Variants in ZNRF3 observed in about 807,000 individuals in gnomAD.
The protein encoded by ZNRF3 is zinc and ring finger 3, also known as E3 ubiquitin-protein ligase ZNRF3.
In ZNRF3, 23 loss-of-function variants were observed where a neutral mutation model predicts 72.5. The ratio of observed to expected loss-of-function variants is 0.32; its 90% CI spans 0.23 to 0.45. ZNRF3 has a LOEUF of 0.45. Among genes scored for constraint, ZNRF3 ranks in the 20% least tolerant of loss-of-function variants. ZNRF3 has a pLI of 1.00. For missense variants in ZNRF3, 1,169 were observed against 1,272.1 expected, an observed-to-expected ratio of 0.92 and a Z score of 1.23; for synonymous variants, 610 against 545.3, an observed-to-expected ratio of 1.12 and a Z score of -1.65.
intron 2 of ZNRF3, among the ~76,000 whole-genome samples, chr22:28,988,206 C>G (rs1333565366): frequency 6.6e-6 from 1 of 152,168 alleles, no homozygotes; most frequent in Non-Finnish European, 1.5e-5. Flanking sequence ...GATAGTGGTA[C>G]TGACTGGATA....
At chr22:28,884,922 G>A (rs1004300021) in intron 1 of ZNRF3, among the ~76,000 whole-genome samples, 2 of 152,158 alleles carry the variant, frequency 1.3e-5, no homozygotes, top group Non-Finnish European at 2.9e-5. Flanking sequence ...TAGCTGGGTG[G>A]ATGTCTTCCC....
intron 1 of ZNRF3, among the ~76,000 whole-genome samples, chr22:28,931,433 A>G (rs1028321676): frequency 7.2e-5 from 11 of 152,190 alleles, no homozygotes; most frequent in Admixed American, 1.3e-4. Flanking sequence ...GTAGGTGAAG[A>G]TGTTACTTTG....
chr22:28,887,235 AGTGTGTGTGTGT>A (rs1179478685), intron 1 of ZNRF3, among the ~76,000 whole-genome samples: 7 of 93,090 alleles, frequency 7.5e-5, no homozygotes, highest in African/African-American at 1.2e-4. Flanking sequence ...AGAGAGAGAG[AGTGTGTGTGTGT>A]GTGTGTGTGT....
chr22:28,896,948 TAA>T (rs2034009195), intron 1 of ZNRF3, among the ~76,000 whole-genome samples: 1 of 152,190 alleles, frequency 6.6e-6, no homozygotes, highest in Admixed American at 6.5e-5. Context: ...TCTTTGTTTT[TAA>T]AAGAGACCAA....
chr22:29,029,450 C>T (rs577541245), intron 2 of ZNRF3, among the ~76,000 whole-genome samples: 1 of 152,268 alleles, frequency 6.6e-6, no homozygotes, highest in South Asian at 2.1e-4. Context: ...TGTAAGTAGT[C>T]CCAGTGCATG....
intron 1 of ZNRF3, among the ~76,000 whole-genome samples, chr22:28,901,776 G>A (rs1265214763): frequency 5.4e-5 from 8 of 147,804 alleles, no homozygotes; most frequent in Admixed American, 1.3e-4. Flanking sequence ...GAGTAGCCAC[G>A]ATTACACGTG....
At chr22:28,910,759 A>C (rs372369259) in intron 1 of ZNRF3, among the ~76,000 whole-genome samples, 3 of 152,188 alleles carry the variant, frequency 2.0e-5, no homozygotes, top group Non-Finnish European at 4.4e-5. Flanking sequence ...GCCCAGAGAA[A>C]GTGCCTAGAA....
chr22:29,009,278 G>C lies in ZNRF3; in HGVS notation c.426+22077G>C, dbSNP rs568868332. 1.2e-4 allele frequency among the ~76,000 whole-genome samples: 19 copies of C among 152,268 alleles called. No individual in the cohort carries two copies. The South Asian group carries it at 3.9e-3, about 32-fold the overall frequency. On this transcript the variant is annotated intron_variant, in intron 2 of 8. Coordinates refer to ENST00000544604, the MANE Select transcript of ZNRF3 (RefSeq NM_001206998.2). ...GAAATTCCAGCAGTGGGGCTGGCAG[G>C]AGCAGAAATAACATGTGGCGTATCC...
intron 1 of ZNRF3, among the ~76,000 whole-genome samples, chr22:28,924,135 T>G (rs1482491737): frequency 1.3e-5 from 2 of 152,186 alleles, no homozygotes; most frequent in African/African-American, 4.8e-5. Context: ...TTTTTTAAAT[T>G]TAAACAAAGA....
chr22:28,935,188 T>C (rs894248613), intron 1 of ZNRF3, among the ~76,000 whole-genome samples: 5 of 152,216 alleles, frequency 3.3e-5, no homozygotes, highest in African/African-American at 1.2e-4. Flanking sequence ...ATAGGGCTTG[T>C]CTAGGATGGA....
chr22:28,996,153 G>A (rs1166010676), intron 2 of ZNRF3, among the ~76,000 whole-genome samples: 5 of 152,150 alleles, frequency 3.3e-5, no homozygotes, highest in Admixed American at 3.3e-4. Context: ...TGCCCAGGCT[G>A]GTCTCAAACT....
intron 1 of ZNRF3, among the ~76,000 whole-genome samples, chr22:28,937,873 C>G (rs7286026): frequency 0.036 from 5,519 of 152,226 alleles, 178 homozygotes; most frequent in South Asian, 0.061. Flanking sequence ...AAAAAACAAC[C>G]TTCTTTCTTT....
chr22:28,954,282 C>T (rs934039759), intron 1 of ZNRF3, among the ~76,000 whole-genome samples: 1 of 152,092 alleles, frequency 6.6e-6, no homozygotes, highest in Non-Finnish European at 1.5e-5. Flanking sequence ...TGGTGAGGGC[C>T]CTCTTCCTGG....
chr22:29,012,761 G>T (rs2036367675), intron 2 of ZNRF3, among the ~76,000 whole-genome samples: 1 of 152,172 alleles, frequency 6.6e-6, no homozygotes, highest in African/African-American at 2.4e-5. Context: ...TCTTAACATA[G>T]GAAGGATGCT....
chr22:28,950,408 C>A (rs1005575211), intron 1 of ZNRF3, among the ~76,000 whole-genome samples: 2 of 152,176 alleles, frequency 1.3e-5, no homozygotes, highest in Non-Finnish European at 1.5e-5. Flanking sequence ...ATGGTGATAG[C>A]AGCAAAATGT....
In ZNRF3 at chr22:29,048,565, G is replaced by A. The variant is rs563022682; in HGVS notation, c.1015+74G>A. The A allele has an allele frequency of 2.5e-5, 37 of 1,485,898 alleles. No individual in the cohort carries two copies. Among genetic ancestry groups the A allele is most frequent in the Non-Finnish European group, 3.4e-5 (36 of 1,069,084 alleles). The allele number at this position is 1,485,898 out of a possible 1,614,324, so 92.0% of individuals were successfully genotyped here. A position where few individuals can be genotyped will look rare whatever the true frequency, so the allele number is the denominator to read the frequency against. On this transcript the variant is annotated intron_variant, in intron 7 of 8. Transcript: ENST00000544604. The surrounding 1 kb of genome is among the most constrained non-coding windows in gnomAD (Gnocchi z 4.9). ...AGAGTGTGACACACACCGCAGGCTT[G>A]GGAACACTCAGAACCACCGTGGCAC...
chr22:29,004,736 G>A (rs913261657), intron 2 of ZNRF3, among the ~76,000 whole-genome samples: 8 of 152,192 alleles, frequency 5.3e-5, no homozygotes, highest in Admixed American at 5.2e-4. Flanking sequence ...GGGTGGAGGA[G>A]GGAGGAGGGC....
chr22:28,906,971 T>C (rs1231590525), intron 1 of ZNRF3, among the ~76,000 whole-genome samples: 1 of 151,700 alleles, frequency 6.6e-6, no homozygotes, highest in Non-Finnish European at 1.5e-5. Flanking sequence ...TCATTTTCTT[T>C]TCTTTCTTTC....
intron 2 of ZNRF3, among the ~76,000 whole-genome samples, chr22:29,000,881 C>T (rs902603846): frequency 6.6e-6 from 1 of 151,920 alleles, no homozygotes; most frequent in Non-Finnish European, 1.5e-5. Flanking sequence ...TTCAACCTCC[C>T]GGGATCAGGC....
Sources: gnomAD v4.1 joint callset for allele counts (sites outside exome capture counted in the v4.1 genomes callset) on GRCh38, gnomAD v4.1.1 for gene constraint, Gnocchi (gnomAD v3.1) non-coding constraint, MANE v1.5 for transcripts, NCBI Gene and HGNC (gene_info 2026-07-23, HGNC 2026-07-21) for gene names.